Variants in PTK2 observed in about 807,000 individuals in gnomAD.
PTK2 encodes protein tyrosine kinase 2, also known as focal adhesion kinase 1.
In PTK2, 45 loss-of-function variants were observed where a neutral mutation model predicts 150.1. The observed-to-expected ratio is 0.30, with a 90% confidence interval of 0.24 to 0.38. PTK2 has a LOEUF of 0.38. Among genes scored for constraint, PTK2 ranks in the 10% least tolerant of loss-of-function variants. PTK2 has a pLI of 1.00. For synonymous variants in PTK2, 432 were observed against 449.2 expected (o/e 0.96, Z 0.48); for missense variants, 919 against 1,307.3 (o/e 0.70, Z 4.58).
At chr8:140,966,013 TG>T (rs1217560948) in intron 1 of PTK2, among the ~76,000 whole-genome samples, 5 of 152,010 alleles carry the variant, frequency 3.3e-5, no homozygotes, top group Non-Finnish European at 7.4e-5. Context: ...TGGTTGCAGT[TG>T]GAAGCATTTC....
At chr8:140,854,942 T>C (rs1364466959) in intron 5 of PTK2, among the ~76,000 whole-genome samples, 2 of 152,208 alleles carry the variant, frequency 1.3e-5, no homozygotes, top group Admixed American at 6.5e-5. Flanking sequence ...TTAAACATAA[T>C]TATTTTATTT....
intron 13 of PTK2, among the ~76,000 whole-genome samples, chr8:140,792,859 A>G (rs1450251346): frequency 6.6e-6 from 1 of 152,234 alleles, no homozygotes; most frequent in Non-Finnish European, 1.5e-5. Context: ...TTTAACATTC[A>G]TATCTTAGTC....
At chr8:140,758,513 C>T (rs1425540956) in intron 16 of PTK2, among the ~76,000 whole-genome samples, 1 of 152,200 alleles carries the variant, frequency 6.6e-6, no homozygotes, top group Non-Finnish European at 1.5e-5. Flanking sequence ...TCTCCATGCA[C>T]ATTACTGCCT....
At chr8:140,925,217 T>C (rs535725312) in intron 2 of PTK2, among the ~76,000 whole-genome samples, 1 of 152,252 alleles carries the variant, frequency 6.6e-6, no homozygotes, top group African/African-American at 2.4e-5. Context: ...ACAGGAGGAA[T>C]GTAAAAAAAA....
At chr8:140,930,967 A>C (rs774161894) in intron 1 of PTK2, among the ~76,000 whole-genome samples, 1 of 151,758 alleles carries the variant, frequency 6.6e-6, no homozygotes, top group African/African-American at 2.4e-5. Context: ...CCAGCTACTC[A>C]GGAGGCTGAG....
rs199744395 is a variant in PTK2 at position 140,688,263 on chromosome 8, C to T, written c.2500-1569G>A. 5.3e-5 allele frequency among the ~76,000 whole-genome samples: 8 copies of T among 152,296 alleles called. No homozygotes were observed. The East Asian group carries it at 1.3e-3, about 26-fold the overall frequency. On this transcript the variant is annotated intron_variant, in intron 26 of 31. Coordinates refer to ENST00000522684, the Ensembl canonical transcript of PTK2. ...CAGCTCATGTATATCAGCCCCATAT[C>T]CCTAGTGCCTGGCACAGTTCCTGGT...
chr8:140,702,536 G>C lies in PTK2; in HGVS notation c.2367+34C>G, dbSNP rs186317138. 2.5e-6 allele frequency: 4 copies of C among 1,609,378 alleles called. No homozygotes were observed. The East Asian group carries it at 8.9e-5, about 36-fold the overall frequency. Reference sequence around the variant, plus strand: ...TGCCCAGCTTTGCCATGCTTTATAAGTTAACAAACTGAAGCCCAAGACACC... The same window carrying C: ...TGCCCAGCTTTGCCATGCTTTATAACTTAACAAACTGAAGCCCAAGACACC... On this transcript the variant is annotated intron_variant, in intron 25 of 31. Transcript: ENST00000522684.
intron 1 of PTK2, among the ~76,000 whole-genome samples, chr8:140,973,092 C>G (rs2100187950): frequency 6.6e-6 from 1 of 152,058 alleles, no homozygotes; most frequent in African/African-American, 2.4e-5. Flanking sequence ...TACAACATAT[C>G]TTATATCTAG....
At chr8:140,744,816 C>T in intron 18 of PTK2, 49 bp from the exon 22 acceptor site, 1 of 1,075,818 alleles carries the variant, frequency 9.3e-7, no homozygotes, top group Non-Finnish European at 1.4e-6. Flanking sequence ...GAATTAGTGG[C>T]AGTGAATCGA....
chr8:140,801,942 T>TA (rs1176346834), intron 11 of PTK2, among the ~76,000 whole-genome samples: 6 of 152,134 alleles, frequency 3.9e-5, no homozygotes, highest in South Asian at 2.1e-4. Context: ...GAAGCTGGTG[T>TA]AAAAAAAATC....
At chr8:140,912,486 A>C (rs1397007971) in intron 2 of PTK2, among the ~76,000 whole-genome samples, 1 of 152,094 alleles carries the variant, frequency 6.6e-6, no homozygotes, top group Non-Finnish European at 1.5e-5. Flanking sequence ...ATAAAGATAA[A>C]TACAAATTTT....
At chr8:140,847,649 CAACACA>C (rs2100126407) in intron 5 of PTK2, among the ~76,000 whole-genome samples, 1 of 152,148 alleles carries the variant, frequency 6.6e-6, no homozygotes, top group Non-Finnish European at 1.5e-5. Flanking sequence ...TGAATTTTAT[CAACACA>C]AAAATTTGTG....
intron 31 of PTK2, among the ~76,000 whole-genome samples, chr8:140,660,915 G>A (rs911317387): frequency 3.9e-5 from 6 of 152,138 alleles, no homozygotes; most frequent in Admixed American, 3.3e-4. Flanking sequence ...TATTATGTAC[G>A]AGACACTTGG....
intron 29 of PTK2, among the ~76,000 whole-genome samples, chr8:140,670,481 A>AC (rs1397351116): frequency 4.2e-3 from 149 of 35,616 alleles, no homozygotes; most frequent in African/African-American, 0.014. Flanking sequence ...AAAAAAAAAA[A>AC]AACAACAACA....
intron 1 of PTK2, chr8:140,983,955 G>C (rs1475696519): frequency 6.6e-6 from 1 of 152,276 alleles, no homozygotes; most frequent in Non-Finnish European, 1.5e-5. Flanking sequence ...AGGAGTTCAA[G>C]ACCAGCCTGG....
At chr8:140,887,469 G>T (rs1024252975) in intron 3 of PTK2, among the ~76,000 whole-genome samples, 2 of 152,132 alleles carry the variant, frequency 1.3e-5, no homozygotes, top group Admixed American at 6.5e-5. Context: ...ACACATAATT[G>T]TAAAAGCACT....
At chr8:140,750,913 CAAAACA>C (rs1432845059) in intron 17 of PTK2, among the ~76,000 whole-genome samples, 2 of 151,938 alleles carry the variant, frequency 1.3e-5, no homozygotes, top group Non-Finnish European at 1.5e-5. Flanking sequence ...TGTCTCTCCA[CAAAACA>C]AAAACAAAAA....
At chr8:141,000,186 A>T (rs374280117) in intron 1 of PTK2, among the ~76,000 whole-genome samples, 1 of 151,732 alleles carries the variant, frequency 6.6e-6, no homozygotes, top group Admixed American at 6.6e-5. Flanking sequence ...GAAATTCGGC[A>T]AACAGTTGCG....
chr8:140,743,679 C>T (rs1432680924), intron 19 of PTK2, among the ~76,000 whole-genome samples: 4 of 152,070 alleles, frequency 2.6e-5, no homozygotes, highest in African/African-American at 4.8e-5. Flanking sequence ...TATAACACTG[C>T]CATTACTAAA....
Sources: allele counts gnomAD v4.1 joint callset (sites outside exome capture counted in the v4.1 genomes callset), GRCh38; gene constraint gnomAD v4.1.1; transcripts MANE v1.5; gene names NCBI Gene and HGNC (gene_info 2026-07-23, HGNC 2026-07-21).